TMEM132D: variants seen among roughly 807,000 people sequenced by gnomAD.
The protein encoded by TMEM132D is mature OL transmembrane protein.
Under a neutral mutation model 62.3 loss-of-function variants are expected in TMEM132D, and 21 were observed. That is an observed-to-expected ratio of 0.34 (90% CI 0.24 to 0.49). The LOEUF is 0.49. Ranked by LOEUF, TMEM132D falls within the 20% of genes least tolerant of loss-of-function variation. The probability of loss-of-function intolerance (pLI) is 0.99; values close to 1 mark genes in which losing one functional copy is unlikely to be tolerated. For synonymous variants in TMEM132D, 621 were observed against 575.6 expected, an observed-to-expected ratio of 1.08 and a Z score of -1.13; for missense variants, 1,346 against 1,402.8, an observed-to-expected ratio of 0.96 and a Z score of 0.65.
rs188725017 is a variant in TMEM132D, at chr12:129,596,979, G to T, written c.969-65774C>A. Among the ~76,000 whole-genome samples the T allele has an allele frequency of 4.6e-5, 7 of 152,222 alleles. No homozygotes were observed. The East Asian group carries it at 7.7e-4, about 17-fold the overall frequency. On this transcript the variant is annotated intron_variant, in intron 2 of 8. Coordinates refer to ENST00000422113, the MANE Select transcript of TMEM132D (RefSeq NM_133448.3). ...AACACTTCAACCAATGCACCTACAC[G>T]TTCTAAATGCTATGTTATGGTTGAA...
At chr12:129,754,973 A>G (rs929157091) in intron 1 of TMEM132D, among the ~76,000 whole-genome samples, 2 of 152,212 alleles carry the variant, frequency 1.3e-5, no homozygotes, top group Non-Finnish European at 2.9e-5. Flanking sequence ...TCCTATAGCA[A>G]TAATATAAAA....
chr12:129,086,199 CGCGTGTGTGT>C lies in TMEM132D; in HGVS notation c.1444-1507_1444-1498del, dbSNP rs1314767784. Among the ~76,000 whole-genome samples the C allele has an allele frequency of 8.0e-4, 93 of 116,120 alleles. 1 individual carries two copies. The highest frequency in any genetic ancestry group is 1.5e-3 in the Non-Finnish European group (80 of 53,604). The allele number at this position is 116,120 out of a possible 152,430, so 76.2% of individuals were successfully genotyped here. On this transcript the variant is annotated intron_variant, in intron 5 of 8. Transcript: ENST00000422113. ...CCATCACCTCACATAGTCACGCGCGCGCGTGTGTGTGTGTGTGTGTGTGTGTGTGTGTTGT... is the reference window on the plus strand; with the variant it reads ...CCATCACCTCACATAGTCACGCGCGCGTGTGTGTGTGTGTGTGTGTGTTGT...
chr12:129,587,237 C>G (rs61943506), intron 2 of TMEM132D, among the ~76,000 whole-genome samples: 47,547 of 152,068 alleles, frequency 0.31, 9,114 homozygotes, highest in Non-Finnish European at 0.44. Context: ...ATGTCCTTTA[C>G]AGGGACATGG....
chr12:129,087,952 TCC>T (rs1329745347), intron 5 of TMEM132D, among the ~76,000 whole-genome samples: 3 of 107,040 alleles, frequency 2.8e-5, no homozygotes, highest in African/African-American at 1.1e-4. Flanking sequence ...CGGGGTGTCC[TCC>T]CTGACCGGGG....
intron 1 of TMEM132D, among the ~76,000 whole-genome samples, chr12:129,738,064 A>G (rs1869485232): frequency 6.6e-6 from 1 of 152,258 alleles, no homozygotes; most frequent in African/African-American, 2.4e-5. Context: ...TTGATTGGCC[A>G]TTACTGAACA....
At chr12:129,817,957 GTGTATGTGTGTATA>G (rs1229057042) in intron 1 of TMEM132D, among the ~76,000 whole-genome samples, 3 of 147,518 alleles carry the variant, frequency 2.0e-5, no homozygotes, top group Admixed American at 6.8e-5. Flanking sequence ...GTGGTGTGAG[GTGTATGTGTGTATA>G]TGTGTGTGTG....
intron 1 of TMEM132D, among the ~76,000 whole-genome samples, chr12:129,831,650 T>C (rs1463504144): frequency 6.6e-6 from 1 of 152,140 alleles, no homozygotes; most frequent in Admixed American, 6.5e-5. Context: ...TAACAATGAT[T>C]AGCCTCCTGC....
At chr12:129,536,994 T>C (rs12426755) in intron 2 of TMEM132D, among the ~76,000 whole-genome samples, 34,527 of 151,664 alleles carry the variant, frequency 0.23, 4,982 homozygotes, top group African/African-American at 0.4. Flanking sequence ...CTGTCTCTAC[T>C]AAAAATACAA....
intron 4 of TMEM132D, among the ~76,000 whole-genome samples, chr12:129,307,333 G>A (rs764013957): frequency 1.3e-5 from 2 of 152,108 alleles, no homozygotes; most frequent in Non-Finnish European, 2.9e-5. Flanking sequence ...ATTATCACCT[G>A]TCATTATTAT....
At chr12:129,087,807 G>T (rs1406931131) in intron 5 of TMEM132D, among the ~76,000 whole-genome samples, 1 of 152,250 alleles carries the variant, frequency 6.6e-6, no homozygotes, top group Non-Finnish European at 1.5e-5. Context: ...TATTGCAGCT[G>T]CAGAAAACAA....
chr12:129,629,492 C>T (rs1000048684), intron 2 of TMEM132D, among the ~76,000 whole-genome samples: 2 of 152,100 alleles, frequency 1.3e-5, no homozygotes, highest in African/African-American at 4.8e-5. Flanking sequence ...CTCCACCCTC[C>T]CCACCTAGGA....
At chr12:129,356,289 T>TG (rs913298329) in intron 3 of TMEM132D, among the ~76,000 whole-genome samples, 2 of 67,224 alleles carry the variant, frequency 3.0e-5, no homozygotes, top group African/African-American at 1.4e-4. Context: ...CCCAAGTAGC[T>TG]GGGACTACAG....
chr12:129,637,208 T>C (rs1193936634), intron 2 of TMEM132D, among the ~76,000 whole-genome samples: 1 of 152,202 alleles, frequency 6.6e-6, no homozygotes, highest in East Asian at 1.9e-4. Flanking sequence ...AATTACTCTG[T>C]TCATTTGTTT....
intron 1 of TMEM132D, among the ~76,000 whole-genome samples, chr12:129,809,655 C>T (rs1872107860): frequency 6.6e-6 from 1 of 152,072 alleles, no homozygotes; most frequent in Admixed American, 6.6e-5. Flanking sequence ...ATTTGAAATT[C>T]TAGGAAAATG....
At chr12:129,751,153 A>C (rs1869987815) in intron 1 of TMEM132D, among the ~76,000 whole-genome samples, 1 of 152,130 alleles carries the variant, frequency 6.6e-6, no homozygotes, top group African/African-American at 2.4e-5. Context: ...AGACCTGGTA[A>C]TTTACAGAGA....
chr12:129,560,242 T>A (rs968492652), intron 2 of TMEM132D, among the ~76,000 whole-genome samples: 5 of 149,916 alleles, frequency 3.3e-5, no homozygotes, highest in African/African-American at 1.2e-4. Flanking sequence ...ACACTTGTTT[T>A]TTGTTGTAGT....
chr12:129,690,808 G>A (rs565562665), intron 2 of TMEM132D, among the ~76,000 whole-genome samples: 18 of 152,214 alleles, frequency 1.2e-4, no homozygotes, highest in Non-Finnish European at 2.2e-4. Flanking sequence ...AATCAGTAAG[G>A]ATGTAGATGA....
intron 2 of TMEM132D, among the ~76,000 whole-genome samples, chr12:129,675,976 A>C (rs1054507610): frequency 6.6e-6 from 1 of 152,220 alleles, no homozygotes; most frequent in Non-Finnish European, 1.5e-5. Flanking sequence ...CGGTGCCTTC[A>C]AATTTGTCAT....
chr12:129,679,624 T>C (rs1255112591), intron 2 of TMEM132D, among the ~76,000 whole-genome samples: 1 of 152,148 alleles, frequency 6.6e-6, no homozygotes, highest in Non-Finnish European at 1.5e-5. Flanking sequence ...TTTATGTCAA[T>C]AATTCTATTT....
Sources: gnomAD v4.1 joint callset for allele counts (sites outside exome capture counted in the v4.1 genomes callset) on GRCh38, gnomAD v4.1.1 for gene constraint, MANE v1.5 for transcripts, NCBI Gene and HGNC (gene_info 2026-07-23, HGNC 2026-07-21) for gene names.